NMU: variants seen among roughly 807,000 people sequenced by gnomAD.
The protein encoded by NMU is neuromedin U.
In NMU, 29 loss-of-function variants were observed where a neutral mutation model predicts 35.4. That is an observed-to-expected ratio of 0.82 (90% CI 0.61 to 1.12). The LOEUF is 1.12. Ranked by LOEUF, NMU falls within the 50% of genes most tolerant of loss-of-function variation. The probability of loss-of-function intolerance (pLI) is 0.00; values close to 1 mark genes in which losing one functional copy is unlikely to be tolerated. For missense variants in NMU, 199 were observed against 206.2 expected, an observed-to-expected ratio of 0.97 and a Z score of 0.21; for synonymous variants, 78 against 81.3, an observed-to-expected ratio of 0.96 and a Z score of 0.22.
At position 55,618,468 on chromosome 4, in the gene NMU, G is replaced by A. The variant is rs1734198962; in HGVS notation, c.172-2083C>T. ...CTCCCACTTACGAGTGAGAAATTGT[G>A]TTTGGTTTTCTGTTCCTGTGTTGGT... On this transcript the variant is annotated intron_variant, in intron 2 of 9. Transcript: ENST00000264218. 3.9e-5 allele frequency among the ~76,000 whole-genome samples: 6 copies of A among 152,098 alleles called. No homozygotes were observed. The South Asian group carries it at 8.3e-4, about 21-fold the overall frequency.
intron 9 of NMU, among the ~76,000 whole-genome samples, chr4:55,598,816 T>G (rs1017394651): frequency 6.6e-6 from 1 of 152,190 alleles, no homozygotes; most frequent in African/African-American, 2.4e-5. Context: ...ATATCCTACT[T>G]GCACAATAAA....
At chr4:55,599,072 G>T in intron 9 of NMU, 70 bp downstream of exon 9, 1 of 1,024,842 alleles carries the variant, frequency 9.8e-7, no homozygotes, top group Non-Finnish European at 1.5e-6. Flanking sequence ...AACAGCAAAT[G>T]TCAAACTGTG....
intron 7 of NMU, among the ~76,000 whole-genome samples, chr4:55,603,740 G>A (rs1368120542): frequency 1.3e-5 from 2 of 151,046 alleles, no homozygotes; most frequent in Admixed American, 1.3e-4. Flanking sequence ...GTGAAACTCC[G>A]TCTCTACTAA....
intron 1 of NMU, among the ~76,000 whole-genome samples, chr4:55,633,908 G>C (rs1198353402): frequency 1.3e-5 from 2 of 152,206 alleles, no homozygotes; most frequent in African/African-American, 4.8e-5. Flanking sequence ...TATTCAAAAT[G>C]TGTTCCTCTT....
chr4:55,607,298 C>T lies in NMU; in HGVS notation c.360G>A (p.Val120=). ...ACTAAGAAGTAGTTCTACAACTTAC[C>T]ACAACATTTGACTTGCCCAACTTCT... The part of the protein sequence containing the change: ...KTQKLGKSNV[V]SSVVHPLLQL... The change falls in exon 6 of 10, where the codon GTG becomes GTA. Residue 120 remains valine (V), a splice_region_variant and synonymous_variant. Transcript: ENST00000264218. The T allele has an allele frequency of 1.2e-6, 2 of 1,600,776 alleles. No individual in the cohort carries two copies. The highest frequency in any genetic ancestry group is 1.7e-6 in the Non-Finnish European group (2 of 1,168,528).
rs1733737402 is a variant in NMU at position 55,607,454 on chromosome 4, TTTCATCTTG to T, written c.283_291del (p.Gln95_Glu97del). The stretch of plus-strand genomic sequence containing the variant: ...CATCTTACCCTTTTAGTATTATCTT[TTTCATCTTG>T]TTCCTATTGAAAAGAGATATTGTAT... On this transcript the variant is annotated inframe_deletion, in exon 5 of 10. Coordinates refer to ENST00000264218, the MANE Select transcript of NMU (RefSeq NM_006681.4). 1 of 994,370 alleles carries T rather than the reference TTTCATCTTG, an allele frequency of 1.0e-6. No individual in the cohort carries two copies. The highest frequency in any genetic ancestry group is 1.9e-5 in the Admixed American group (1 of 51,304). 61.6% of individuals were successfully genotyped at this position (994,370 alleles called of 1,614,324 possible). A position where few individuals can be genotyped will look rare whatever the true frequency, so the allele number is the denominator to read the frequency against.
intron 2 of NMU, 68 bp from the exon 3 acceptor site, chr4:55,616,453 A>G: frequency 8.5e-7 from 1 of 1,182,466 alleles, no homozygotes; most frequent in Non-Finnish European, 1.3e-6. Flanking sequence ...TAGATTTTAC[A>G]AAGTCACATT....
intron 3 of NMU, among the ~76,000 whole-genome samples, chr4:55,611,966 CCA>C (rs1311783518): frequency 6.6e-6 from 1 of 152,186 alleles, no homozygotes; most frequent in Non-Finnish European, 1.5e-5. Context: ...TTGCCCAATA[CCA>C]CACATGGCTA....
intron 2 of NMU, among the ~76,000 whole-genome samples, chr4:55,625,370 A>G (rs1299829084): frequency 6.6e-6 from 1 of 152,154 alleles, no homozygotes; most frequent in African/African-American, 2.4e-5. Context: ...AAGCTAAAAT[A>G]AATGTGTCTG....
At chr4:55,631,876 C>A (rs1383597758) in intron 1 of NMU, among the ~76,000 whole-genome samples, 1 of 152,162 alleles carries the variant, frequency 6.6e-6, no homozygotes, top group Non-Finnish European at 1.5e-5. Flanking sequence ...ATGTTTATAG[C>A]AGCACAATTT....
intron 2 of NMU, among the ~76,000 whole-genome samples, chr4:55,627,608 T>C (rs1252853251): frequency 2.6e-5 from 4 of 152,192 alleles, no homozygotes; most frequent in African/African-American, 9.6e-5. Flanking sequence ...TTGGTTAATT[T>C]CTAAATACTT....
intron 3 of NMU, 26 bp from the exon 4 acceptor site, chr4:55,609,205 G>C: frequency 4.5e-6 from 7 of 1,572,288 alleles, no homozygotes; most frequent in Non-Finnish European, 5.3e-6. Context: ...AGATATGTAA[G>C]TTATGCTTCT....
chr4:55,599,598 G>T (rs1733344564), intron 8 of NMU, among the ~76,000 whole-genome samples: 2 of 152,064 alleles, frequency 1.3e-5, no homozygotes, highest in Admixed American at 1.3e-4. Context: ...TCTCTAATTT[G>T]CTGTTAGAAT....
rs769021806 is a variant in NMU at position 55,600,593 on chromosome 4, G to A, written c.436-18C>T. 2 of 1,587,614 alleles carry A rather than the reference G, an allele frequency of 1.3e-6. No individual in the cohort carries two copies. Among genetic ancestry groups the A allele is most frequent in the South Asian group, 1.1e-5 (1 of 90,430 alleles). ...AATTCTTCCTAGAAGAGAAAATGAG[G>A]GCATTACAAATCACATAACACTAAA... On this transcript the variant is annotated intron_variant, in intron 7 of 9. Transcript: ENST00000264218.
chr4:55,610,430 T>C lies in NMU; in HGVS notation c.220-1251A>G, dbSNP rs150490865. Among the ~76,000 whole-genome samples the C allele has an allele frequency of 9.5e-3, 1,426 of 149,430 alleles. 30 individuals carry two copies. Among genetic ancestry groups the C allele is most frequent in the African/African-American group, 0.031 (1,271 of 40,530 alleles). On this transcript the variant is annotated intron_variant, in intron 3 of 9. Coordinates refer to ENST00000264218, the MANE Select transcript of NMU (RefSeq NM_006681.4). The stretch of plus-strand genomic sequence containing the variant: ...GTGAGCCGAGATCTCGACACTGCAC[T>C]CCAGCCTGGGTGATGGAGTGAGACT...
At chr4:55,612,047 T>C (rs1334473490) in intron 3 of NMU, among the ~76,000 whole-genome samples, 1 of 152,194 alleles carries the variant, frequency 6.6e-6, no homozygotes, top group African/African-American at 2.4e-5. Flanking sequence ...TGCATTGGTA[T>C]TGCCTGCTAA....
At position 55,595,643 on chromosome 4, in the gene NMU, ATT is replaced by A. The variant is rs1211166376; in HGVS notation, c.*5-234_*5-233del. 7.7e-3 allele frequency among the ~76,000 whole-genome samples: 510 copies of A among 66,366 alleles called. 6 individuals carry two copies. The highest frequency in any genetic ancestry group is 9.0e-3 in the South Asian group (16 of 1,776). 43.5% of individuals were successfully genotyped at this position (66,366 alleles called of 152,430 possible). On this transcript the variant is annotated intron_variant, in intron 9 of 9. Transcript: ENST00000264218. The stretch of plus-strand genomic sequence containing the variant: ...TGTGTGTATATATATATATATATAT[ATT>A]TTTTTTTTTTTTTGAGACAGAGTCT...
At chr4:55,604,533 A>C (rs1044377103) in intron 7 of NMU, among the ~76,000 whole-genome samples, 2 of 120,774 alleles carry the variant, frequency 1.7e-5, no homozygotes, top group African/African-American at 5.8e-5. Context: ...CCAAACTCTT[A>C]CTTTTTTTTT....
At chr4:55,618,250 G>A (rs1577953609) in intron 2 of NMU, among the ~76,000 whole-genome samples, 7 of 152,042 alleles carry the variant, frequency 4.6e-5, no homozygotes, top group Admixed American at 3.9e-4. Flanking sequence ...TGTGCAGAAC[G>A]TGCAGGTTTG....
Sources: gnomAD v4.1 joint callset for allele counts (sites outside exome capture counted in the v4.1 genomes callset) on GRCh38, gnomAD v4.1.1 for gene constraint, MANE v1.5 for transcripts, NCBI Gene and HGNC (gene_info 2026-07-23, HGNC 2026-07-21) for gene names.